GSK3B: variants seen among roughly 807,000 people sequenced by gnomAD.
GSK3B encodes glycogen synthase kinase 3 beta.
A neutral mutation model predicts 56.4 loss-of-function variants in GSK3B; 15 were observed. The observed-to-expected ratio is 0.27, with a 90% CI of 0.18 to 0.41. The LOEUF (loss-of-function observed/expected upper bound fraction) is 0.41, where lower values mean the gene tolerates loss of function less well. Ranked by LOEUF, GSK3B falls within the 10% of genes least tolerant of loss-of-function variation. The probability of loss-of-function intolerance (pLI) is 1.00; values close to 1 mark genes in which losing one functional copy is unlikely to be tolerated. For synonymous variants in GSK3B, 181 were observed against 188.9 expected, an observed-to-expected ratio of 0.96 and a Z score of 0.34; for missense variants, 300 against 513.4, an observed-to-expected ratio of 0.58 and a Z score of 4.02.
intron 1 of GSK3B, among the ~76,000 whole-genome samples, chr3:120,043,753 C>A (rs930929163): frequency 2.0e-4 from 30 of 152,208 alleles, no homozygotes; most frequent in African/African-American, 7.0e-4. Flanking sequence ...CCTACCTCCA[C>A]CAACCCTACA....
chr3:119,960,799 A>G (rs1390599122), intron 2 of GSK3B, among the ~76,000 whole-genome samples: 2 of 152,112 alleles, frequency 1.3e-5, no homozygotes, highest in African/African-American at 4.8e-5. Context: ...TCTATTTTGC[A>G]TATTTATTCA....
chr3:119,849,595 T>TCC (rs2055900791), intron 9 of GSK3B, among the ~76,000 whole-genome samples: 1 of 152,166 alleles, frequency 6.6e-6, no homozygotes, highest in Non-Finnish European at 1.5e-5. Flanking sequence ...ACATCACCTA[T>TCC]CCTTCTGTGT....
chr3:120,066,617 C>T (rs1383089836), intron 1 of GSK3B, among the ~76,000 whole-genome samples: 1 of 151,884 alleles, frequency 6.6e-6, no homozygotes, highest in Non-Finnish European at 1.5e-5. Context: ...AGAAAAATTC[C>T]AGCTACAAAT....
In GSK3B at chr3:119,821,511, T is replaced by A. The variant is rs1013650555; in HGVS notation, c.*5277A>T. On this transcript the variant is annotated 3_prime_UTR_variant, in exon 11 of 11. Coordinates refer to ENST00000264235, the MANE Select transcript of GSK3B (RefSeq NM_001146156.2). ...TCAAACACAACATGTGTTGGTTACC[T>A]GGGAGGTACAGCCCCACTGTTCGTG... 9 of 152,228 alleles carry A rather than the reference T, an allele frequency of 5.9e-5. No homozygotes were observed. The highest frequency in any genetic ancestry group is 5.9e-5 in the Non-Finnish European group (4 of 68,034). The allele number at this position is 152,228 out of a possible 1,614,324, so 9.4% of individuals were successfully genotyped here.
intron 1 of GSK3B, among the ~76,000 whole-genome samples, chr3:120,089,243 C>A (rs938483400): frequency 6.6e-6 from 1 of 152,174 alleles, no homozygotes; most frequent in Non-Finnish European, 1.5e-5. Context: ...CTGTGACTTA[C>A]TGTCACTTCA....
chr3:120,035,089 T>C (rs2058011115), intron 1 of GSK3B, among the ~76,000 whole-genome samples: 1 of 151,332 alleles, frequency 6.6e-6, no homozygotes, highest in African/African-American at 2.4e-5. Flanking sequence ...TGAGACTCCA[T>C]CTCAAAAAAA....
intron 2 of GSK3B, among the ~76,000 whole-genome samples, chr3:119,963,625 C>CAAAAAAAA (rs774359104): frequency 1.3e-4 from 10 of 79,146 alleles, no homozygotes; most frequent in African/African-American, 2.6e-4. Context: ...TTCTTCCCCA[C>CAAAAAAAA]AAAAAAAAAA....
chr3:119,961,319 G>A (rs998998875), intron 2 of GSK3B, among the ~76,000 whole-genome samples: 48 of 152,130 alleles, frequency 3.2e-4, no homozygotes, highest in Middle Eastern at 3.4e-3. Flanking sequence ...CCTCATTGTT[G>A]GTGCATTAAA....
At chr3:119,874,406 A>T (rs2056284644) in intron 8 of GSK3B, among the ~76,000 whole-genome samples, 1 of 152,082 alleles carries the variant, frequency 6.6e-6, no homozygotes, top group Admixed American at 6.6e-5. Flanking sequence ...AATAATATCT[A>T]TAATAAAATA....
intron 1 of GSK3B, among the ~76,000 whole-genome samples, chr3:120,084,166 T>A (rs1363825656): frequency 6.6e-6 from 1 of 152,186 alleles, no homozygotes; most frequent in Non-Finnish European, 1.5e-5. Context: ...CACTGTATAC[T>A]ACTTGTTTCT....
intron 2 of GSK3B, among the ~76,000 whole-genome samples, chr3:119,980,750 T>A (rs1576245098): frequency 6.6e-6 from 1 of 152,226 alleles, no homozygotes; most frequent in Non-Finnish European, 1.5e-5. Flanking sequence ...TCTAATCTTG[T>A]GGCTTAGGCA....
intron 6 of GSK3B, 112 bp downstream of exon 6, chr3:119,912,592 A>C (rs1296432279): frequency 6.3e-6 from 3 of 473,828 alleles, no homozygotes; most frequent in Non-Finnish European, 1.2e-5. Flanking sequence ...AAAAAACATT[A>C]TGGGATATAT....
intron 2 of GSK3B, among the ~76,000 whole-genome samples, chr3:119,979,278 T>TTTG (rs2057438392): frequency 6.6e-6 from 1 of 152,198 alleles, no homozygotes; most frequent in South Asian, 2.1e-4. Flanking sequence ...ACCCTACCTG[T>TTTG]GTCAAGCTTG....
At chr3:119,850,982 G>A (rs865923745) in intron 9 of GSK3B, among the ~76,000 whole-genome samples, 6 of 151,964 alleles carry the variant, frequency 3.9e-5, no homozygotes, top group Admixed American at 6.6e-5. Flanking sequence ...AAAACAAAAC[G>A]GCAAGAAATT....
Position 119,912,826 on chromosome 3 carries a change from T to A in GSK3B, c.609-16A>T, listed in dbSNP as rs200545371. 4.3e-4 allele frequency: 572 copies of A among 1,336,516 alleles called. 1 individual carries two copies. In the African/African-American group the frequency reaches 7.0e-3, roughly 16 times the overall value. 82.8% of individuals were successfully genotyped at this position (1,336,516 alleles called of 1,614,324 possible). A position where few individuals can be genotyped will look rare whatever the true frequency, so the allele number is the denominator to read the frequency against. On this transcript the variant is annotated splice_polypyrimidine_tract_variant and intron_variant, in intron 5 of 10. Transcript: ENST00000264235. ...CTGCTTTGCACTAACAGAAAAAAAA[T>A]AAAAATAAAAAGCAGAAATTCTTTA...
chr3:119,893,591 C>A lies in GSK3B; in HGVS notation c.813+12164G>T, dbSNP rs1371629976. Among the ~76,000 whole-genome samples, 4 of 152,078 alleles carry A rather than the reference C, an allele frequency of 2.6e-5. No homozygotes were observed. In the East Asian group the frequency reaches 7.7e-4, roughly 29 times the overall value. ...GTCACATTATTTGAGCACAAGTAAACAATTTGGGTAAAGTATTTATTTAAA... is the reference window on the plus strand; with the variant it reads ...GTCACATTATTTGAGCACAAGTAAAAAATTTGGGTAAAGTATTTATTTAAA... On this transcript the variant is annotated intron_variant, in intron 7 of 10. Coordinates refer to ENST00000264235, the MANE Select transcript of GSK3B (RefSeq NM_001146156.2).
chr3:119,888,752 G>A lies in GSK3B; in HGVS notation c.814-12244C>T, dbSNP rs148100424. On this transcript the variant is annotated intron_variant, in intron 7 of 10. Transcript: ENST00000264235. Reference sequence around the variant, plus strand: ...TATAAATGGATGTGCAAATAGGGAAGATATCACTAAATTCTTTTCCTAGCA... The same window carrying A: ...TATAAATGGATGTGCAAATAGGGAAAATATCACTAAATTCTTTTCCTAGCA... Among the ~76,000 whole-genome samples the A allele has an allele frequency of 4.3e-3, 656 of 152,170 alleles. 4 individuals carry two copies. The highest frequency in any genetic ancestry group is 0.01 in the Middle Eastern group (3 of 294).
In GSK3B at chr3:119,822,258, T is replaced by TA. The variant is rs910604197; in HGVS notation, c.*4529dup. On this transcript the variant is annotated 3_prime_UTR_variant, in exon 11 of 11. Coordinates refer to ENST00000264235, the MANE Select transcript of GSK3B (RefSeq NM_001146156.2). ...CCACAGTCCTTTATATATATATATA[T>TA]ATATATATAATAAATTTTGTTTTTT... 3.5e-5 allele frequency: 6 copies of TA among 169,914 alleles called. No homozygotes were observed. Among genetic ancestry groups the TA allele is most frequent in the African/African-American group, 1.4e-4 (6 of 41,624 alleles). The allele number at this position is 169,914 out of a possible 1,614,324, so 10.5% of individuals were successfully genotyped here.
intron 1 of GSK3B, among the ~76,000 whole-genome samples, chr3:120,036,517 G>C (rs1470956090): frequency 1.3e-5 from 2 of 152,286 alleles, no homozygotes; most frequent in East Asian, 3.9e-4. Context: ...AAATCTGGCT[G>C]GGCAGTGGCT....
Sources: allele counts gnomAD v4.1 joint callset (sites outside exome capture counted in the v4.1 genomes callset), GRCh38; gene constraint gnomAD v4.1.1; transcripts MANE v1.5; gene names NCBI Gene and HGNC (gene_info 2026-07-23, HGNC 2026-07-21).